Variants in FOCAD observed in about 807,000 individuals in gnomAD.
FOCAD encodes the protein KIAA1797.
FOCAD carries 198 observed loss-of-function variants against 225.6 expected under a neutral mutation model. The ratio of observed to expected loss-of-function variants is 0.88; its 90% CI spans 0.78 to 0.99. FOCAD has a LOEUF of 0.99. Among genes scored for constraint, FOCAD ranks in the 50% least tolerant of loss-of-function variants. The pLI, the probability that FOCAD is intolerant of heterozygous loss-of-function variation, is 0.00. For missense variants in FOCAD, 2,713 were observed against 2,123.6 expected (o/e 1.28, Z -5.46); for synonymous variants, 897 against 755.0 (o/e 1.19, Z -3.08).
At chr9:20,961,041 C>T (rs188964978) in intron 35 of FOCAD, among the ~76,000 whole-genome samples, 4 of 152,060 alleles carry the variant, frequency 2.6e-5, no homozygotes. Flanking sequence ...GTGAATAGTG[C>T]CACAATAAAC....
At chr9:20,833,860 T>C (rs1160342917) in intron 15 of FOCAD, among the ~76,000 whole-genome samples, 2 of 152,094 alleles carry the variant, frequency 1.3e-5, no homozygotes, top group African/African-American at 4.8e-5. Flanking sequence ...ATACTAAATA[T>C]TGGAGAATAT....
chr9:20,843,805 A>G lies in FOCAD; in HGVS notation c.1921-18773A>G, dbSNP rs141921835. On this transcript the variant is annotated intron_variant, in intron 15 of 43. Coordinates refer to ENST00000338382, the MANE Select transcript of FOCAD (RefSeq NM_001375567.1). ...GCATATATTCTAGTGTGCTACTAGT[A>G]GTGGCTGCCACTTAATAAATAAGGG... is the stretch of plus-strand genomic sequence containing the variant. Among the ~76,000 whole-genome samples, 16 of 152,278 alleles carry G rather than the reference A, an allele frequency of 1.1e-4. No homozygotes were observed. In the East Asian group the frequency reaches 2.9e-3, roughly 28 times the overall value.
chr9:20,771,369 T>A (rs763606117), intron 8 of FOCAD, among the ~76,000 whole-genome samples: 1 of 152,134 alleles, frequency 6.6e-6, no homozygotes. Flanking sequence ...CGTAGGAAGA[T>A]GGAGGAGGGT....
chr9:20,915,060 G>A (rs1257487076), intron 23 of FOCAD, among the ~76,000 whole-genome samples: 3 of 152,192 alleles, frequency 2.0e-5, no homozygotes, highest in African/African-American at 7.2e-5. Flanking sequence ...AGACAAGGAA[G>A]ACTAGAGAAA....
intron 25 of FOCAD, 66 bp from the exon 26 acceptor site, chr9:20,926,235 T>C: frequency 1.0e-6 from 1 of 992,982 alleles, no homozygotes; most frequent in Non-Finnish European, 1.6e-6. Context: ...AGTTACACCT[T>C]AGATTTAGAA....
intron 42 of FOCAD, among the ~76,000 whole-genome samples, chr9:20,990,641 C>G (rs951463006): frequency 6.6e-6 from 1 of 152,178 alleles, no homozygotes; most frequent in African/African-American, 2.4e-5. Flanking sequence ...ATTGAAGGCA[C>G]TTGTTTTCTT....
intron 35 of FOCAD, among the ~76,000 whole-genome samples, chr9:20,966,654 A>G (rs903031421): frequency 2.6e-5 from 4 of 151,990 alleles, no homozygotes; most frequent in African/African-American, 9.7e-5. Flanking sequence ...TAGTCCTTAT[A>G]TTTAAGCTGT....
At chr9:20,762,419 A>G (rs901929462) in intron 6 of FOCAD, among the ~76,000 whole-genome samples, 3 of 152,186 alleles carry the variant, frequency 2.0e-5, no homozygotes, top group Non-Finnish European at 4.4e-5. Flanking sequence ...TCAGACTGTG[A>G]GCTCTATGAG....
rs113120308 is a variant in FOCAD, at chr9:20,847,440, C to T, written c.1921-15138C>T. Among the ~76,000 whole-genome samples the T allele has an allele frequency of 7.0e-3, 1,059 of 151,372 alleles. 14 individuals carry two copies. The highest frequency in any genetic ancestry group is 0.024 in the African/African-American group (1,011 of 41,290). ...ATGCTGCTATTATTTTCTTTGAGAA[C>T]CTACAGGAAGCTGTTTAGTCCATCT... On this transcript the variant is annotated intron_variant, in intron 15 of 43. Coordinates refer to ENST00000338382, the MANE Select transcript of FOCAD (RefSeq NM_001375567.1).
chr9:20,807,203 G>T (rs752136045), intron 11 of FOCAD, among the ~76,000 whole-genome samples: 1 of 152,182 alleles, frequency 6.6e-6, no homozygotes, highest in Non-Finnish European at 1.5e-5. Flanking sequence ...TTACTTATCT[G>T]CTACTGTATA....
intron 7 of FOCAD, among the ~76,000 whole-genome samples, chr9:20,768,002 A>G (rs1044365006): frequency 2.6e-5 from 4 of 151,936 alleles, no homozygotes; most frequent in African/African-American, 7.3e-5. Context: ...TGATTTTTGT[A>G]TAAGGTGTAA....
chr9:20,942,531 G>C (rs1382448025), intron 28 of FOCAD, among the ~76,000 whole-genome samples: 1 of 152,202 alleles, frequency 6.6e-6, no homozygotes, highest in Non-Finnish European at 1.5e-5. Context: ...GATACGTTCA[G>C]TGAATTTTAC....
chr9:20,724,902 C>T (rs909420012), intron 4 of FOCAD, among the ~76,000 whole-genome samples: 10 of 152,200 alleles, frequency 6.6e-5, no homozygotes, highest in Admixed American at 4.6e-4. Flanking sequence ...GGCGTGGTGG[C>T]TCATGCCCGT....
chr9:20,718,456 G>A (rs1207125734), intron 3 of FOCAD, among the ~76,000 whole-genome samples: 1 of 152,162 alleles, frequency 6.6e-6, no homozygotes, highest in Non-Finnish European at 1.5e-5. Context: ...TTTTAAGAGA[G>A]GTGTTCTCAG....
intron 4 of FOCAD, among the ~76,000 whole-genome samples, chr9:20,723,344 C>T (rs777429023): frequency 2.0e-5 from 3 of 152,196 alleles, no homozygotes; most frequent in East Asian, 1.9e-4. Context: ...AAAAATTAGC[C>T]GGGCGTGGTG....
chr9:20,788,721 C>G (rs138207516), intron 10 of FOCAD, among the ~76,000 whole-genome samples: 3 of 152,154 alleles, frequency 2.0e-5, no homozygotes, highest in African/African-American at 7.2e-5. Flanking sequence ...CCTCTGGCCC[C>G]GACTGCACTG....
At chr9:20,920,742 T>G (rs1025641583) in intron 24 of FOCAD, among the ~76,000 whole-genome samples, 1 of 151,446 alleles carries the variant, frequency 6.6e-6, no homozygotes, top group Non-Finnish European at 1.5e-5. Context: ...ATGTTCTTAC[T>G]CATAGGTGGG....
intron 21 of FOCAD, among the ~76,000 whole-genome samples, chr9:20,896,656 TTA>T (rs751560734): frequency 1.6e-4 from 24 of 151,920 alleles, no homozygotes; most frequent in East Asian, 1.9e-4. Flanking sequence ...GGGCATAGAG[TTA>T]TATATATTAT....
At chr9:20,934,581 T>C (rs1435728544) in intron 28 of FOCAD, among the ~76,000 whole-genome samples, 1 of 152,160 alleles carries the variant, frequency 6.6e-6, no homozygotes, top group African/African-American at 2.4e-5. Context: ...GGTTATCTAT[T>C]CTGTTCCGTT....
Sources: gnomAD v4.1 joint callset for allele counts (sites outside exome capture counted in the v4.1 genomes callset) on GRCh38, gnomAD v4.1.1 for gene constraint, MANE v1.5 for transcripts, NCBI Gene and HGNC (gene_info 2026-07-23, HGNC 2026-07-21) for gene names.